The following RFX7 variants were observed in gnomAD, a reference collection of about 807,000 sequenced individuals.
The protein encoded by RFX7 is regulatory factor X7, also known as DNA-binding protein RFX7.
RFX7 carries 26 observed loss-of-function variants against 111.8 expected under a neutral mutation model. The observed-to-expected ratio is 0.23, with a 90% CI of 0.17 to 0.32. The LOEUF (loss-of-function observed/expected upper bound fraction) is 0.32, where lower values mean the gene tolerates loss of function less well. Among genes scored for constraint, RFX7 ranks in the 10% least tolerant of loss-of-function variants. The pLI is 1.00. For synonymous variants in RFX7, 624 were observed against 624.4 expected (o/e 1.00, Z 0.01); for missense variants, 1,573 against 1,772.9 (o/e 0.89, Z 2.02).
intron 2 of RFX7, among the ~76,000 whole-genome samples, chr15:56,194,171 C>T (rs1375192067): frequency 6.6e-6 from 1 of 152,148 alleles, no homozygotes; most frequent in African/African-American, 2.4e-5. Context: ...GAGACTCTCA[C>T]TTGTCCCTTC....
At chr15:56,096,749 A>G (rs1174677814) in intron 9 of RFX7, 129 bp from the exon 10 acceptor site, 2 of 992,520 alleles carry the variant, frequency 2.0e-6, no homozygotes, top group African/African-American at 3.3e-5. Context: ...CTATGTTAGA[A>G]GAGAGTTCTT....
intron 3 of RFX7, among the ~76,000 whole-genome samples, chr15:56,153,133 A>G (rs1351680290): frequency 6.6e-6 from 1 of 152,216 alleles, no homozygotes; most frequent in Non-Finnish European, 1.5e-5. Flanking sequence ...CCAGAGGTAC[A>G]AAGAGGAGCT....
intron 3 of RFX7, among the ~76,000 whole-genome samples, chr15:56,169,163 A>G (rs1487073605): frequency 2.0e-5 from 3 of 152,232 alleles, no homozygotes; most frequent in Non-Finnish European, 4.4e-5. Context: ...TAAAGTGAAT[A>G]GCACCTACAA....
intron 3 of RFX7, among the ~76,000 whole-genome samples, chr15:56,161,482 A>G (rs2042719600): frequency 6.6e-6 from 1 of 152,090 alleles, no homozygotes; most frequent in Admixed American, 6.5e-5. Context: ...AAAAGAAAAA[A>G]GTAGGGACAT....
At chr15:56,233,946 T>C (rs1394557477) in intron 2 of RFX7, among the ~76,000 whole-genome samples, 1 of 152,212 alleles carries the variant, frequency 6.6e-6, no homozygotes, top group East Asian at 1.9e-4. Flanking sequence ...CCAAGCCATT[T>C]TCCTCTATTT....
intron 2 of RFX7, among the ~76,000 whole-genome samples, chr15:56,233,784 C>G (rs1011914891): frequency 6.6e-6 from 1 of 152,166 alleles, no homozygotes; most frequent in Non-Finnish European, 1.5e-5. Flanking sequence ...AACCTGTACT[C>G]TGGTACTCTG....
rs1166543413 is a variant in RFX7 at position 56,243,444 on chromosome 15, C to T, written c.-3+1G>A. On this transcript the variant is annotated splice_donor_variant, in intron 1 of 9. Transcript: ENST00000559447. LOFTEE classifies it low-confidence loss of function (5UTR_SPLICE). ...GGAAGCTGGATAAGCTAGGCCTTTA[C>T]CCCAGGGCTCGAGTGAGTCGCTTTC... 1.1e-5 allele frequency: 11 copies of T among 983,636 alleles called. No individual in the cohort carries two copies. In the Admixed American group the frequency reaches 1.8e-4, roughly 17 times the overall value. 60.9% of individuals were successfully genotyped at this position (983,636 alleles called of 1,614,324 possible).
rs370095491 is a variant in RFX7, at chr15:56,095,443, C to T, written c.2285G>A (p.Gly762Glu). The T allele has an allele frequency of 3.7e-6, 6 of 1,612,446 alleles. No individual in the cohort carries two copies. The African/African-American group carries it at 5.3e-5, about 14-fold the overall frequency. ...SSPDIKVKLE[G>E]SVFLLDSDSK... ...ATCACTGTCCAAGAGAAAGACACTT[C>T]CTTCAAGTTTTACTTTTATATCTGG... The change falls in exon 10 of 10, where the codon GGA (glycine) becomes GAA (glutamate). Residue 762 changes from glycine (G) to glutamate (E), a missense_variant. Physicochemically the swap from Gly to Glu is moderately conservative, Grantham distance 98. Transcript: ENST00000559447.
chr15:56,233,586 G>T (rs2043591617), intron 2 of RFX7, among the ~76,000 whole-genome samples: 1 of 152,146 alleles, frequency 6.6e-6, no homozygotes, highest in Non-Finnish European at 1.5e-5. Flanking sequence ...TGAAACCAAT[G>T]CTGCCAGACT....
chr15:56,134,013 C>A (rs1420750225), intron 5 of RFX7, among the ~76,000 whole-genome samples: 1 of 152,122 alleles, frequency 6.6e-6, no homozygotes, highest in African/African-American at 2.4e-5. Context: ...TTTATCTACA[C>A]CAAGTGGAAG....
chr15:56,170,184 A>T (rs1208412187), intron 3 of RFX7, among the ~76,000 whole-genome samples: 1 of 152,184 alleles, frequency 6.6e-6, no homozygotes, highest in Non-Finnish European at 1.5e-5. Context: ...ATACTCAAGA[A>T]GCCAAGACCA....
chr15:56,137,813 T>A (rs565935547), intron 5 of RFX7, among the ~76,000 whole-genome samples: 1 of 152,274 alleles, frequency 6.6e-6, no homozygotes, highest in East Asian at 1.9e-4. Context: ...TGGTATGTTG[T>A]GTCTTTGTTC....
chr15:56,238,546 T>C (rs1421220460), intron 2 of RFX7, among the ~76,000 whole-genome samples: 1 of 152,212 alleles, frequency 6.6e-6, no homozygotes, highest in Non-Finnish European at 1.5e-5. Flanking sequence ...TCTGTCATTG[T>C]TTATCTCTTT....
chr15:56,218,652 T>C lies in RFX7; in HGVS notation c.161+24473A>G, dbSNP rs185133867. On this transcript the variant is annotated intron_variant, in intron 2 of 9. Coordinates refer to ENST00000559447, the MANE Select transcript of RFX7 (RefSeq NM_022841.7). ...CTATTAGGAAAAGCGGAAAGCCAAC[T>C]TTAACAGCATGTGTAGCGAGCAACA... 1.4e-3 allele frequency among the ~76,000 whole-genome samples: 212 copies of C among 152,262 alleles called. 2 individuals are homozygous for C. Among genetic ancestry groups the C allele is most frequent in the Admixed American group, 2.2e-3 (33 of 15,300 alleles).
chr15:56,131,117 A>AC (rs2042206672), intron 5 of RFX7, among the ~76,000 whole-genome samples: 1 of 152,056 alleles, frequency 6.6e-6, no homozygotes, highest in South Asian at 2.1e-4. Context: ...GCATAAAAAA[A>AC]AAAAGAAAAT....
At chr15:56,129,900 G>C (rs957456367) in intron 5 of RFX7, among the ~76,000 whole-genome samples, 1 of 151,936 alleles carries the variant, frequency 6.6e-6, no homozygotes, top group Non-Finnish European at 1.5e-5. Context: ...CTTCTCCCAG[G>C]GTACAATTTG....
chr15:56,145,330 G>A (rs2042453713), intron 3 of RFX7, among the ~76,000 whole-genome samples: 1 of 152,032 alleles, frequency 6.6e-6, no homozygotes, highest in Non-Finnish European at 1.5e-5. Flanking sequence ...GGCATTCCTG[G>A]TAGAATTTAT....
At chr15:56,179,791 C>G (rs991963713) in intron 2 of RFX7, among the ~76,000 whole-genome samples, 103 of 149,256 alleles carry the variant, frequency 6.9e-4, no homozygotes, top group African/African-American at 2.4e-3. Context: ...CACACACACA[C>G]ACACACACAC....
At chr15:56,141,448 TGA>T (rs2141021712) in intron 5 of RFX7, among the ~76,000 whole-genome samples, 1 of 151,870 alleles carries the variant, frequency 6.6e-6, no homozygotes. Flanking sequence ...ATGAACCAAC[TGA>T]CAAAGACTGG....
Sources: allele counts gnomAD v4.1 joint callset (sites outside exome capture counted in the v4.1 genomes callset), GRCh38; gene constraint gnomAD v4.1.1; transcripts MANE v1.5; gene names NCBI Gene and HGNC (gene_info 2026-07-23, HGNC 2026-07-21).